Variants in SEMA5B observed in about 807,000 individuals in gnomAD.
SEMA5B encodes semaphorin-5B.
A neutral mutation model predicts 135.0 loss-of-function variants in SEMA5B; 66 were observed. The observed-to-expected ratio is 0.49, with a 90% confidence interval of 0.40 to 0.60. SEMA5B has a LOEUF of 0.60. Ranked by LOEUF, SEMA5B falls within the 20% of genes least tolerant of loss-of-function variation. SEMA5B has a pLI of 0.00. For missense variants in SEMA5B, 1,501 were observed against 1,566.3 expected, an observed-to-expected ratio of 0.96 and a Z score of 0.70; for synonymous variants, 690 against 639.5, an observed-to-expected ratio of 1.08 and a Z score of -1.19.
chr3:122,993,714 G>A (rs1941945144), intron 1 of SEMA5B, among the ~76,000 whole-genome samples: 1 of 151,998 alleles, frequency 6.6e-6, no homozygotes, highest in Non-Finnish European at 1.5e-5. Flanking sequence ...GAACAGGCAG[G>A]AGACACCATC....
chr3:122,943,446 C>G lies in SEMA5B; in HGVS notation c.418G>C (p.Val140Leu). 1 of 1,604,132 alleles carries G rather than the reference C, an allele frequency of 6.2e-7. No individual in the cohort carries two copies. Among genetic ancestry groups the G allele is most frequent in the Non-Finnish European group, 8.5e-7 (1 of 1,176,122 alleles). Residue 140 changes from valine (V) to leucine (L), a missense_variant, in exon 4 of 23, where the codon GTG becomes CTG. Around this residue, in one of 2 missense-constraint regions of SEMA5B, gnomAD observed 574 missense variants for 684.7 expected, o/e 0.84. Coordinates refer to ENST00000357599, the MANE Select transcript of SEMA5B (RefSeq NM_001031702.4). ...TCTGCCCCTTGTTACCTGGCTCCCACGATGAGCTGGTTCCCGGAGGGGTCC... is the reference window on the plus strand; with the variant it reads ...TCTGCCCCTTGTTACCTGGCTCCCAGGATGAGCTGGTTCCCGGAGGGGTCC... The part of the protein sequence containing the change: ...ALDPSGNQLI[V>L]GARNYLFRLS...
chr3:122,915,720 T>C (rs1938037760), intron 13 of SEMA5B, 53 bp downstream of exon 13: 2 of 1,605,804 alleles, frequency 1.2e-6, no homozygotes, highest in Non-Finnish European at 1.7e-6. Context: ...TGGGGAGTCA[T>C]AGCCTGAATT....
In SEMA5B at chr3:122,913,421, ACTC is replaced by A; in HGVS notation, c.2281_2283del (p.Glu761del). On this transcript the variant is annotated inframe_deletion and splice_region_variant, in exon 17 of 23. Coordinates refer to ENST00000357599, the MANE Select transcript of SEMA5B (RefSeq NM_001031702.4). ...CAGCCCTCGGGGTTGCACGTCTTGA[ACTC>A]CTGCGGGTGGCGGCAGAGGCAGCTT... The A allele has an allele frequency of 6.4e-7, 1 of 1,565,138 alleles. No individual in the cohort carries two copies. The highest frequency in any genetic ancestry group is 8.6e-7 in the Non-Finnish European group (1 of 1,159,340).
intron 7 of SEMA5B, 32 bp downstream of exon 7, chr3:122,928,485 C>T: frequency 6.6e-7 from 1 of 1,510,256 alleles, no homozygotes; most frequent in Non-Finnish European, 9.0e-7. Context: ...GCATGGTGCC[C>T]CCTTCAGTCT....
In SEMA5B at chr3:122,966,318, T is replaced by C. The variant is rs769120714; in HGVS notation, c.-38-5017A>G. Among the ~76,000 whole-genome samples, 37 of 152,260 alleles carry C rather than the reference T, an allele frequency of 2.4e-4. No individual in the cohort carries two copies. In the South Asian group the frequency reaches 2.5e-3, roughly 10 times the overall value. ...AAATGTTTTCATTTGAAGTTGATGC[T>C]TTGGAGGGTGCAAAGAGGTTTGTGA... is the stretch of plus-strand genomic sequence containing the variant. On this transcript the variant is annotated intron_variant, in intron 1 of 22. Transcript: ENST00000357599.
rs559027596 is a variant in SEMA5B, at chr3:122,922,406, C to T, written c.1314G>A (p.Thr438=). The stretch of plus-strand genomic sequence containing the variant: ...GCTGCGCGTCCTGCAGGCTGCGCTC[C>T]GTCAGGTTCTCGTTGGGACCGGTCT... ...LPETGPNENL[T]ERSLQDAQRL... Residue 438 remains threonine (T), a synonymous_variant, in exon 11 of 23, where the codon ACG becomes ACA. Transcript: ENST00000357599. The T allele has an allele frequency of 8.7e-6, 14 of 1,610,744 alleles. No homozygotes were observed. The highest frequency in any genetic ancestry group is 6.6e-5 in the South Asian group (6 of 90,400).
At chr3:122,945,996 A>G (rs1939776865) in intron 3 of SEMA5B, among the ~76,000 whole-genome samples, 1 of 152,124 alleles carries the variant, frequency 6.6e-6, no homozygotes, top group Non-Finnish European at 1.5e-5. Flanking sequence ...GCCTGCTCGT[A>G]TTAAACAGGC....
intron 2 of SEMA5B, among the ~76,000 whole-genome samples, chr3:122,959,006 C>A (rs1165836789): frequency 1.3e-5 from 2 of 152,194 alleles, no homozygotes; most frequent in African/African-American, 4.8e-5. Context: ...AAAAGTTTAA[C>A]AAGAAGGGCT....
Position 122,921,999 on chromosome 3 carries a change from T to TGCAGGATGC in SEMA5B, c.1595_1603dup (p.Arg532_Leu534dup), listed in dbSNP as rs1560296807. 7 of 1,532,538 alleles carry TGCAGGATGC rather than the reference T, an allele frequency of 4.6e-6. No homozygotes were observed. The highest frequency in any genetic ancestry group is 6.1e-6 in the Non-Finnish European group (7 of 1,142,908). 94.9% of individuals were successfully genotyped at this position (1,532,538 alleles called of 1,614,324 possible). A position where few individuals can be genotyped will look rare whatever the true frequency, so the allele number is the denominator to read the frequency against. On this transcript the variant is annotated inframe_insertion, in exon 12 of 23. Coordinates refer to ENST00000357599, the MANE Select transcript of SEMA5B (RefSeq NM_001031702.4). ...CCCCACGAAGAGCGCGCGGGCGCTGTGCAGGATGCGCAGGCTGCGCAGGGG... is the reference window on the plus strand; with the variant it reads ...CCCCACGAAGAGCGCGCGGGCGCTGTGCAGGATGCGCAGGATGCGCAGGCTGCGCAGGGG...
intron 2 of SEMA5B, among the ~76,000 whole-genome samples, chr3:122,951,866 T>C (rs1045554746): frequency 1.3e-5 from 2 of 152,222 alleles, no homozygotes; most frequent in Non-Finnish European, 2.9e-5. Flanking sequence ...CTACTGCCCC[T>C]ACCTTACTCC....
At chr3:122,957,664 A>G (rs1388539386) in intron 2 of SEMA5B, among the ~76,000 whole-genome samples, 2 of 152,236 alleles carry the variant, frequency 1.3e-5, no homozygotes, top group Admixed American at 6.5e-5. Flanking sequence ...TCCCTGCAAG[A>G]TCTCACAGCA....
intron 1 of SEMA5B, among the ~76,000 whole-genome samples, chr3:122,999,793 G>A (rs1044130817): frequency 3.9e-5 from 6 of 152,146 alleles, no homozygotes; most frequent in Admixed American, 3.3e-4. Flanking sequence ...AATCTCTGGA[G>A]TGGGGCCTAA....
At chr3:122,947,924 A>G (rs1475332017) in intron 3 of SEMA5B, among the ~76,000 whole-genome samples, 1 of 152,174 alleles carries the variant, frequency 6.6e-6, no homozygotes, top group Non-Finnish European at 1.5e-5. Flanking sequence ...AAGTATTAGA[A>G]TGTATATACT....
At position 122,923,688 on chromosome 3, in the gene SEMA5B, C is replaced by T. The variant is rs369952036; in HGVS notation, c.1201G>A (p.Gly401Ser). ...NLSAISQAFN[G>S]PFRYQENPRA... The stretch of plus-strand genomic sequence containing the variant: ...GGGTTCTCCTGGTAGCGAAATGGGC[C>T]ATTGAAAGCCTGGGAGATAGCACTG... Residue 401 changes from glycine (G) to serine (S), a missense_variant, in exon 10 of 23, where the codon GGC becomes AGC. Around this residue, in one of 2 missense-constraint regions of SEMA5B, gnomAD observed 574 missense variants for 684.7 expected, o/e 0.84. Coordinates refer to ENST00000357599, the MANE Select transcript of SEMA5B (RefSeq NM_001031702.4). 5 of 1,613,964 alleles carry T rather than the reference C, an allele frequency of 3.1e-6. No homozygotes were observed. Among genetic ancestry groups the T allele is most frequent in the Non-Finnish European group, 4.2e-6 (5 of 1,179,980 alleles).
chr3:122,923,602 G>A lies in SEMA5B; in HGVS notation c.1272+15C>T. 2 of 1,613,894 alleles carry A rather than the reference G, an allele frequency of 1.2e-6. No homozygotes were observed. The highest frequency in any genetic ancestry group is 1.7e-6 in the Non-Finnish European group (2 of 1,179,900). On this transcript the variant is annotated intron_variant, in intron 10 of 22. Coordinates refer to ENST00000357599, the MANE Select transcript of SEMA5B (RefSeq NM_001031702.4). The stretch of plus-strand genomic sequence containing the variant: ...GCAGTGTGTGAAGACAGGGAAAGAG[G>A]AGGAGATTCTGTACCTGGAAATTGG...
chr3:122,946,050 T>C (rs919572230), intron 3 of SEMA5B, among the ~76,000 whole-genome samples: 2 of 152,190 alleles, frequency 1.3e-5, no homozygotes, highest in African/African-American at 4.8e-5. Context: ...ACCAAGCACG[T>C]TCCGAGCTCT....
chr3:122,929,352 A>C (rs9867255), intron 5 of SEMA5B, among the ~76,000 whole-genome samples: 33,480 of 152,140 alleles, frequency 0.22, 3,832 homozygotes, highest in Middle Eastern at 0.32. Flanking sequence ...CCCCACGCAG[A>C]TCTGCCCTCG....
At chr3:122,935,682 C>CTTTTTT (rs1402707939) in intron 5 of SEMA5B, among the ~76,000 whole-genome samples, 5 of 70,736 alleles carry the variant, frequency 7.1e-5, no homozygotes, top group African/African-American at 2.8e-4. Flanking sequence ...CTTTTTCTTT[C>CTTTTTT]TTTCTTTTTT....
chr3:122,998,670 G>A (rs1178117199), intron 1 of SEMA5B, among the ~76,000 whole-genome samples: 5 of 152,196 alleles, frequency 3.3e-5, no homozygotes. Context: ...CTCATGAGGT[G>A]TGACTTCATC....
Sources: allele counts gnomAD v4.1 joint callset (sites outside exome capture counted in the v4.1 genomes callset), GRCh38; gene constraint gnomAD v4.1.1; regional missense constraint gnomAD v4.1.1; transcripts MANE v1.5; gene names NCBI Gene and HGNC (gene_info 2026-07-23, HGNC 2026-07-21).